Variants in PPP1R12B observed in about 807,000 individuals in gnomAD.
PPP1R12B encodes myosin phosphatase target subunit 2.
A neutral mutation model predicts 126.1 loss-of-function variants in PPP1R12B; 76 were observed. That is an observed-to-expected ratio of 0.60 (90% CI 0.50 to 0.73). The LOEUF is 0.73. Ranked by LOEUF, PPP1R12B falls within the 30% of genes least tolerant of loss-of-function variation. The pLI, the probability that PPP1R12B is intolerant of heterozygous loss-of-function variation, is 0.00. For missense variants in PPP1R12B, 1,052 were observed against 1,205.1 expected (o/e 0.87, Z 1.88); for synonymous variants, 356 against 434.7 (o/e 0.82, Z 2.25).
chr1:202,502,357 A>G, intron 18 of PPP1R12B: 1 of 985,338 alleles, frequency 1.0e-6, no homozygotes, highest in Non-Finnish European at 1.2e-6. Context: ...ACTACATGAA[A>G]GAACACAATT....
rs557569732 is a variant in PPP1R12B at position 202,552,491 on chromosome 1, T to C, written c.2491-6386T>C. ...ACTATTTTGCAATTAACTCAGACCA[T>C]GATTAGGTTTGCAGTACCTCTGAAA... On this transcript the variant is annotated intron_variant, in intron 18 of 23. Transcript: ENST00000608999. Among the ~76,000 whole-genome samples the C allele has an allele frequency of 5.3e-5, 8 of 152,338 alleles. No individual in the cohort carries two copies. The South Asian group carries it at 1.7e-3, about 32-fold the overall frequency.
At position 202,588,898 on chromosome 1, in the gene PPP1R12B, C is replaced by T. The variant is rs565750582; in HGVS notation, c.*8338C>T. On this transcript the variant is annotated 3_prime_UTR_variant, in exon 24 of 24. Transcript: ENST00000608999. ...ATCAAGGTTCCAAGCTTCAAGTAAC[C>T]AAGAGTATATACGGTTATTTCTTGG... is the stretch of plus-strand genomic sequence containing the variant. 6.6e-6 allele frequency: 1 copy of T among 151,202 alleles called. No individual in the cohort carries two copies. The highest frequency in any genetic ancestry group is 1.9e-4 in the East Asian group (1 of 5,142). The allele number at this position is 151,202 out of a possible 1,614,324, so 9.4% of individuals were successfully genotyped here. A position where few individuals can be genotyped will look rare whatever the true frequency, so the allele number is the denominator to read the frequency against.
intron 10 of PPP1R12B, 113 bp downstream of exon 10, chr1:202,438,137 G>A (rs1306931945): frequency 1.3e-6 from 2 of 1,568,654 alleles, no homozygotes; most frequent in South Asian, 2.4e-5. Flanking sequence ...TTTTGGAAAT[G>A]CAAAGTCTTT....
At chr1:202,520,426 CTCT>C (rs1251931627) in intron 18 of PPP1R12B, among the ~76,000 whole-genome samples, 1 of 152,192 alleles carries the variant, frequency 6.6e-6, no homozygotes, top group Non-Finnish European at 1.5e-5. Flanking sequence ...GGAAAGTACC[CTCT>C]TCTTTGCTCA....
At chr1:202,385,391 A>G (rs1662958425) in intron 1 of PPP1R12B, among the ~76,000 whole-genome samples, 1 of 152,208 alleles carries the variant, frequency 6.6e-6, no homozygotes, top group South Asian at 2.1e-4. Flanking sequence ...GATGTTTTAA[A>G]AAGAAATATC....
intron 18 of PPP1R12B, among the ~76,000 whole-genome samples, chr1:202,557,271 A>C (rs938968624): frequency 6.6e-6 from 1 of 152,204 alleles, no homozygotes; most frequent in Non-Finnish European, 1.5e-5. Flanking sequence ...GGTGTGAGCC[A>C]CTGTGCCCAG....
intron 1 of PPP1R12B, among the ~76,000 whole-genome samples, chr1:202,407,401 C>T (rs1666774145): frequency 6.6e-6 from 1 of 152,152 alleles, no homozygotes. Context: ...AGAACAAAAT[C>T]TTAATCAGTA....
At chr1:202,453,011 C>G (rs1224176430) in intron 13 of PPP1R12B, among the ~76,000 whole-genome samples, 4 of 152,096 alleles carry the variant, frequency 2.6e-5, no homozygotes, top group African/African-American at 9.7e-5. Flanking sequence ...ACTTCCAGCA[C>G]TATATTGAAT....
At position 202,348,954 on chromosome 1, in the gene PPP1R12B, C is replaced by G; in HGVS notation, c.103C>G (p.Pro35Ala). 1 of 1,602,386 alleles carries G rather than the reference C, an allele frequency of 6.2e-7. No individual in the cohort carries two copies. Among genetic ancestry groups the G allele is most frequent in the Non-Finnish European group, 8.5e-7 (1 of 1,176,046 alleles). Residue 35 changes from proline (P) to alanine (A), a missense_variant, in exon 1 of 24, where the codon CCT (proline) becomes GCT (alanine). Transcript: ENST00000608999. ...GCGGGGCTCGCTGACAGAGCAGGAG[C>G]CTGCGGAGCGACGAGGCGCGGGGCG... is the stretch of plus-strand genomic sequence containing the variant. ...RWRGSLTEQE[P>A]AERRGAGRQP...
At position 202,449,121 on chromosome 1, in the gene PPP1R12B, G is replaced by A. The variant is rs1042348713; in HGVS notation, c.1800G>A (p.Val600=). ...STANGVTATP[V]LSITGTDSSV... ...CCAATGGGGTTACAGCTACTCCTGT[G>A]CTCTCCATTACTGGAACAGATTCCT... Residue 600 remains valine, a synonymous_variant, in exon 13 of 24, where the codon GTG becomes GTA. Coordinates refer to ENST00000608999, the MANE Select transcript of PPP1R12B (RefSeq NM_002481.4). The A allele has an allele frequency of 5.0e-6, 8 of 1,613,414 alleles. No homozygotes were observed. The highest frequency in any genetic ancestry group is 6.8e-6 in the Non-Finnish European group (8 of 1,179,706).
rs1297686278 is a variant in PPP1R12B at position 202,582,994 on chromosome 1, T to C, written c.*2434T>C. 2 of 152,178 alleles carry C rather than the reference T, an allele frequency of 1.3e-5. No individual in the cohort carries two copies. 9.4% of individuals were successfully genotyped at this position (152,178 alleles called of 1,614,324 possible). A position where few individuals can be genotyped will look rare whatever the true frequency, so the allele number is the denominator to read the frequency against. On this transcript the variant is annotated 3_prime_UTR_variant, in exon 24 of 24. Transcript: ENST00000608999. ...AGTGTATAAAATTCTGTCTTTCATT[T>C]CCAACCATTTTTCAAGAGAAGCTGC...
At chr1:202,528,947 G>A (rs567553072) in intron 18 of PPP1R12B, among the ~76,000 whole-genome samples, 2 of 151,996 alleles carry the variant, frequency 1.3e-5, no homozygotes, top group Non-Finnish European at 2.9e-5. Context: ...AATCTCTCCC[G>A]ACAGAACCTT....
Position 202,348,769 on chromosome 1 carries a change from C to G in PPP1R12B, c.-83C>G. 1 of 1,490,064 alleles carries G rather than the reference C, an allele frequency of 6.7e-7. No individual in the cohort carries two copies. Among genetic ancestry groups the G allele is most frequent in the African/African-American group, 1.4e-5 (1 of 71,726 alleles). 92.3% of individuals were successfully genotyped at this position (1,490,064 alleles called of 1,614,324 possible). On this transcript the variant is annotated 5_prime_UTR_variant, in exon 1 of 24. Coordinates refer to ENST00000608999, the MANE Select transcript of PPP1R12B (RefSeq NM_002481.4). ...GCCCTCTGCTCCGGGCTGAAGCGCT[C>G]TGAGAGAGGCGGCAGCGGCAACTCG...
intron 1 of PPP1R12B, among the ~76,000 whole-genome samples, chr1:202,361,095 G>A (rs1302073752): frequency 6.6e-6 from 1 of 152,050 alleles, no homozygotes; most frequent in African/African-American, 2.4e-5. Flanking sequence ...AGGTTTCACC[G>A]TGTTAGCCAG....
intron 1 of PPP1R12B, among the ~76,000 whole-genome samples, chr1:202,374,388 C>T (rs1352309145): frequency 6.6e-6 from 1 of 151,766 alleles, no homozygotes; most frequent in African/African-American, 2.4e-5. Context: ...ATAAAAGAGA[C>T]ATGGACCTCT....
At chr1:202,427,689 G>T (rs1571963808) in intron 5 of PPP1R12B, among the ~76,000 whole-genome samples, 1 of 152,114 alleles carries the variant, frequency 6.6e-6, no homozygotes, top group East Asian at 1.9e-4. Flanking sequence ...CTGTTGCCCA[G>T]GCTGGAGTGC....
At chr1:202,497,963 A>G (rs1679770820) in intron 18 of PPP1R12B, among the ~76,000 whole-genome samples, 1 of 152,224 alleles carries the variant, frequency 6.6e-6, no homozygotes, top group Admixed American at 6.5e-5. Flanking sequence ...TCTGAGTTAT[A>G]GATTATAGAG....
intron 18 of PPP1R12B, among the ~76,000 whole-genome samples, chr1:202,536,645 T>G (rs771850935): frequency 1.9e-4 from 29 of 152,210 alleles, no homozygotes; most frequent in Admixed American, 7.2e-4. Flanking sequence ...TTACTATAAT[T>G]TTTTTACTTT....
intron 1 of PPP1R12B, among the ~76,000 whole-genome samples, chr1:202,408,835 A>C (rs2362273): frequency 0.42 from 59,723 of 141,348 alleles, 14,222 homozygotes; most frequent in East Asian, 0.7. Flanking sequence ...AATTATTATT[A>C]TTTCTTTCTT....
Sources: allele counts gnomAD v4.1 joint callset (sites outside exome capture counted in the v4.1 genomes callset), GRCh38; gene constraint gnomAD v4.1.1; transcripts MANE v1.5; gene names NCBI Gene and HGNC (gene_info 2026-07-23, HGNC 2026-07-21).